ITGA10: variants seen among roughly 807,000 people sequenced by gnomAD.
The protein encoded by ITGA10 is integrin alpha-10.
Under a neutral mutation model 145.2 loss-of-function variants are expected in ITGA10, and 105 were observed. That is an observed-to-expected ratio of 0.72 (90% CI 0.62 to 0.85). The LOEUF (loss-of-function observed/expected upper bound fraction) is 0.85. Ranked by LOEUF, ITGA10 falls within the 40% of genes least tolerant of loss-of-function variation. ITGA10 has a pLI of 0.00. For synonymous variants in ITGA10, 506 were observed against 557.8 expected (o/e 0.91, Z 1.31); for missense variants, 1,317 against 1,444.5 (o/e 0.91, Z 1.43).
intron 7 of ITGA10, among the ~76,000 whole-genome samples, chr1:145,903,433 G>A (rs587747059): frequency 1.9e-4 from 29 of 152,232 alleles, no homozygotes; most frequent in Non-Finnish European, 3.8e-4. Context: ...TGTGGGCCAG[G>A]ATCATTGTTG....
rs1655546708 is a variant in ITGA10 at position 145,897,244 on chromosome 1, C to T, written c.2667+3G>A. ...CCTCTTTTCATCCTAGACCCCAACCCACCTTGGCTCCAGTCTGGAAGACAG... is the reference window on the plus strand; with the variant it reads ...CCTCTTTTCATCCTAGACCCCAACCTACCTTGGCTCCAGTCTGGAAGACAG... On this transcript the variant is annotated splice_donor_region_variant and intron_variant, in intron 21 of 29. Coordinates refer to ENST00000369304, the MANE Select transcript of ITGA10 (RefSeq NM_003637.5). 2 of 1,614,008 alleles carry T rather than the reference C, an allele frequency of 1.2e-6. No individual in the cohort carries two copies. Among genetic ancestry groups the T allele is most frequent in the East Asian group, 4.5e-5 (2 of 44,868 alleles).
intron 7 of ITGA10, 65 bp from the exon 8 acceptor site, chr1:145,903,026 C>CAT (rs1410726818): frequency 1.9e-4 from 16 of 85,988 alleles, no homozygotes; most frequent in African/African-American, 3.1e-4. Flanking sequence ...CACACACATA[C>CAT]ACACACACAC....
intron 27 of ITGA10, among the ~76,000 whole-genome samples, chr1:145,894,267 A>G (rs1655086775): frequency 6.6e-6 from 1 of 151,662 alleles, no homozygotes. Context: ...GCCTGCCACC[A>G]CACCTGGCTA....
At chr1:145,894,048 T>C (rs1553744061) in intron 27 of ITGA10, among the ~76,000 whole-genome samples, 1 of 150,114 alleles carries the variant, frequency 6.7e-6, no homozygotes, top group African/African-American at 2.5e-5. Context: ...GGTTAAAGGC[T>C]GTGCCTTACT....
intron 17 of ITGA10, 28 bp from the exon 18 acceptor site, chr1:145,898,251 CAG>C (rs1231729080): frequency 7.1e-7 from 1 of 1,414,708 alleles, no homozygotes; most frequent in Non-Finnish European, 1.0e-6. Context: ...CACAGAGTCA[CAG>C]AGTCAAGGAT....
rs1553745221 is a variant in ITGA10, at chr1:145,896,743, G to C, written c.2834+26C>G. 3 of 1,571,468 alleles carry C rather than the reference G, an allele frequency of 1.9e-6. No individual in the cohort carries two copies. In the Admixed American group the frequency reaches 5.0e-5, roughly 26 times the overall value. Reference sequence around the variant, plus strand: ...GGGTATGAGTCTGAGGTCAGAACTGGGTCCCACCCTAGAAGCTGGGCATAC... The same window carrying C: ...GGGTATGAGTCTGAGGTCAGAACTGCGTCCCACCCTAGAAGCTGGGCATAC... On this transcript the variant is annotated intron_variant, in intron 23 of 29. Transcript: ENST00000369304.
At chr1:145,906,076 C>T (rs182896648) in intron 5 of ITGA10, 34 of 298,398 alleles carry the variant, frequency 1.1e-4, no homozygotes, top group South Asian at 1.9e-4. Flanking sequence ...CATGCACTAG[C>T]GCACCCAGCT....
At chr1:145,906,901 A>G in intron 3 of ITGA10, 77 bp from the exon 4 acceptor site, 1 of 1,229,120 alleles carries the variant, frequency 8.1e-7, no homozygotes, top group Non-Finnish European at 1.2e-6. Context: ...ATTTTGGAGG[A>G]GAATGAGCAG....
In ITGA10 at chr1:145,899,281, C is replaced by A. The variant is rs200379442; in HGVS notation, c.1983G>T (p.Val661=). The A allele has an allele frequency of 3.2e-5, 52 of 1,614,102 alleles. No individual in the cohort carries two copies. Among genetic ancestry groups the A allele is most frequent in the Non-Finnish European group, 4.2e-5 (50 of 1,180,050 alleles). ...CTCGCCGCCTACAGTCCCTCTGAAC[C>A]ACACTGATGGCCTGTGGGGTCACCT... ...SLEVTPQAIS[V]VQRDCRRRGQ... The change falls in exon 16 of 30, where the codon GTG becomes GTT. Residue 661 remains valine, a synonymous_variant. Transcript: ENST00000369304.
chr1:145,893,139 T>G (rs140093507), intron 29 of ITGA10, 22 bp downstream of exon 29: 52 of 1,526,374 alleles, frequency 3.4e-5, no homozygotes, highest in Non-Finnish European at 4.6e-5. Context: ...TGCTCCACAC[T>G]CCCCACTAAA....
intron 3 of ITGA10, 93 bp from the exon 4 acceptor site, chr1:145,906,917 G>C: frequency 1.7e-6 from 2 of 1,166,582 alleles, no homozygotes; most frequent in Non-Finnish European, 2.5e-6. Flanking sequence ...AGCAGGGATT[G>C]GTATCAGATT....
chr1:145,892,826 T>C lies in ITGA10; in HGVS notation c.3476A>G (p.Glu1159Gly). ...TTGCTCCAACTTCTCTTCTCTTTTT[T>C]CTTCCTCAGGGATTTTCTTATGGGC... ...FFAHKKIPEE[E>G]KREEKLEQ Residue 1159 changes from glutamate (E) to glycine (G), a missense_variant, in exon 30 of 30, where the codon GAA becomes GGA. By Grantham distance (98) the Glu-to-Gly change is moderately conservative. Coordinates refer to ENST00000369304, the MANE Select transcript of ITGA10 (RefSeq NM_003637.5). 6.2e-7 allele frequency: 1 copy of C among 1,613,878 alleles called. No homozygotes were observed. The highest frequency in any genetic ancestry group is 8.5e-7 in the Non-Finnish European group (1 of 1,179,768).
chr1:145,894,011 T>C (rs587714174), intron 27 of ITGA10, among the ~76,000 whole-genome samples: 1 of 151,080 alleles, frequency 6.6e-6, no homozygotes, highest in East Asian at 1.9e-4. Flanking sequence ...ACTTCTGTTT[T>C]TCACTCCTGA....
At chr1:145,907,268 ATTAGT>A in intron 2 of ITGA10, 81 bp downstream of exon 2, 1 of 1,607,398 alleles carries the variant, frequency 6.2e-7, no homozygotes, top group East Asian at 2.2e-5. Flanking sequence ...AAAAGACCAG[ATTAGT>A]TTAGAGTCCC....
In ITGA10 at chr1:145,904,692, G is replaced by A. The variant is rs782688752; in HGVS notation, c.601C>T (p.Gln201Ter). Reference protein sequence around the residue: ...LVGKLFIDPEQIQVGLVQYGE... With the variant: ...LVGKLFIDPE Reference sequence around the variant, plus strand: ...ATATTGCCTTCTCTTACCTGTATCTGTTCTGGGTCAATAAACAGTTTCCCT... The same window carrying A: ...ATATTGCCTTCTCTTACCTGTATCTATTCTGGGTCAATAAACAGTTTCCCT... Residue 201 changes from glutamine to a stop codon, truncating the protein, a stop_gained, in exon 6 of 30, where the codon CAG becomes TAG. Coordinates refer to ENST00000369304, the MANE Select transcript of ITGA10 (RefSeq NM_003637.5). LOFTEE classifies it high-confidence loss of function. The A allele has an allele frequency of 1.9e-6, 3 of 1,613,996 alleles. No homozygotes were observed. Among genetic ancestry groups the A allele is most frequent in the East Asian group, 2.2e-5 (1 of 44,886 alleles).
In ITGA10 at chr1:145,893,232, G is replaced by C. The variant is rs1553743778; in HGVS notation, c.3367C>G (p.Leu1123Val). 1.2e-5 allele frequency: 20 copies of C among 1,614,148 alleles called. No individual in the cohort carries two copies. Among genetic ancestry groups the C allele is most frequent in the African/African-American group, 1.3e-5 (1 of 75,048 alleles). Residue 1123 changes from leucine to valine, a missense_variant, in exon 29 of 30, where the codon CTG becomes GTG. By Grantham distance (32) the Leu-to-Val change is conservative (BLOSUM62 1). Coordinates refer to ENST00000369304, the MANE Select transcript of ITGA10 (RefSeq NM_003637.5). Reference protein sequence around the residue: ...VVQTRPILISLWILIGSVLGG... With the variant: ...VVQTRPILISVWILIGSVLGG... ...AGGACACTGCCTATGAGGATCCACA[G>C]GGAGATGAGGATAGGCCGGGTCTGA...
In ITGA10 at chr1:145,901,416, C is replaced by G; in HGVS notation, c.1443+100G>C. 1 of 1,487,538 alleles carries G rather than the reference C, an allele frequency of 6.7e-7. No individual in the cohort carries two copies. Among genetic ancestry groups the G allele is most frequent in the Non-Finnish European group, 9.0e-7 (1 of 1,105,200 alleles). 92.1% of individuals were successfully genotyped at this position (1,487,538 alleles called of 1,614,324 possible). Reference sequence around the variant, plus strand: ...AGACTCTGCCAACCAGAATTCCGCACAGACTTTGGAGGCCTCTCTCTTACC... The same window carrying G: ...AGACTCTGCCAACCAGAATTCCGCAGAGACTTTGGAGGCCTCTCTCTTACC... On this transcript the variant is annotated intron_variant, in intron 12 of 29. Coordinates refer to ENST00000369304, the MANE Select transcript of ITGA10 (RefSeq NM_003637.5). This position sits in a 1 kb window ranked among gnomAD's most constrained non-coding sequence, Gnocchi z 4.3.
intron 25 of ITGA10, 73 bp downstream of exon 25, chr1:145,895,910 G>C: frequency 1.6e-6 from 2 of 1,224,560 alleles, no homozygotes; most frequent in Non-Finnish European, 2.4e-6. Context: ...TAGGGAGCTG[G>C]TGTGGTGTCC....
At chr1:145,902,109 G>T in intron 10 of ITGA10, 88 bp from the exon 11 acceptor site, 2 of 1,584,786 alleles carry the variant, frequency 1.3e-6, no homozygotes, top group South Asian at 1.1e-5. Context: ...GATCACTGAG[G>T]GTCTGCTGGG....
Sources: allele counts gnomAD v4.1 joint callset (sites outside exome capture counted in the v4.1 genomes callset), GRCh38; gene constraint gnomAD v4.1.1; non-coding constraint Gnocchi (gnomAD v3.1); transcripts MANE v1.5; gene names NCBI Gene and HGNC (gene_info 2026-07-23, HGNC 2026-07-21).